Variants in LRP1B observed in about 807,000 individuals in gnomAD.
LRP1B encodes LDL receptor related protein 1B, also known as low-density lipoprotein receptor-related protein 1B.
In LRP1B, 217 loss-of-function variants were observed where a neutral mutation model predicts 556.6. The ratio of observed to expected loss-of-function variants is 0.39; its 90% CI spans 0.35 to 0.44. LRP1B has a LOEUF of 0.44. Among genes scored for constraint, LRP1B ranks in the 20% least tolerant of loss-of-function variants. The pLI, the probability that LRP1B is intolerant of heterozygous loss-of-function variation, is 1.00. For missense variants in LRP1B, 5,053 were observed against 5,620.8 expected (o/e 0.90, Z 3.23); for synonymous variants, 2,047 against 1,865.8 (o/e 1.10, Z -2.50).
chr2:141,249,275 G>A lies in LRP1B; in HGVS notation c.464-1921C>T, dbSNP rs577744021. 1.9e-3 allele frequency among the ~76,000 whole-genome samples: 290 copies of A among 152,218 alleles called. 2 individuals carry two copies. The highest frequency in any genetic ancestry group is 2.9e-3 in the Non-Finnish European group (198 of 67,992). The stretch of plus-strand genomic sequence containing the variant: ...ATTTAGCTAGTGCAAAATACTCTAG[G>A]ATACCAAAGTGGAAAGGGCAGTCAA... On this transcript the variant is annotated intron_variant, in intron 4 of 90. Transcript: ENST00000389484.
At chr2:141,885,094 A>G (rs1699068702) in intron 1 of LRP1B, among the ~76,000 whole-genome samples, 1 of 152,230 alleles carries the variant, frequency 6.6e-6, no homozygotes. Context: ...CATATTAAAT[A>G]TTTAAATTGT....
At chr2:142,115,227 A>G (rs1263487990) in intron 1 of LRP1B, among the ~76,000 whole-genome samples, 5 of 151,214 alleles carry the variant, frequency 3.3e-5, no homozygotes, top group African/African-American at 1.2e-4. Flanking sequence ...GAAGTGATTG[A>G]TTCCAGGCTG....
intron 1 of LRP1B, among the ~76,000 whole-genome samples, chr2:142,049,801 T>C (rs1050172721): frequency 1.3e-5 from 2 of 152,146 alleles, no homozygotes; most frequent in African/African-American, 4.8e-5. Context: ...CCATTCTATC[T>C]TCCATCAGGT....
intron 9 of LRP1B, 98 bp from the exon 10 acceptor site, chr2:141,055,357 G>A (rs2105456666): frequency 1.5e-6 from 2 of 1,298,116 alleles, no homozygotes; most frequent in Middle Eastern, 2.0e-4. Flanking sequence ...TAAAAACAGG[G>A]AATCTTAGCA....
chr2:141,249,156 T>G (rs1684172503), intron 4 of LRP1B, among the ~76,000 whole-genome samples: 1 of 152,186 alleles, frequency 6.6e-6, no homozygotes. Context: ...GGGTGAGATC[T>G]GTTCTAGAGT....
chr2:140,506,666 T>G (rs1236514904), intron 53 of LRP1B, 130 bp downstream of exon 53: 14 of 844,962 alleles, frequency 1.7e-5, no homozygotes, highest in Non-Finnish European at 2.6e-5. Context: ...TGATTGTGTA[T>G]TACTGAATTC....
chr2:141,590,456 C>T (rs1041568493), intron 2 of LRP1B, among the ~76,000 whole-genome samples: 6 of 152,046 alleles, frequency 3.9e-5, no homozygotes, highest in Admixed American at 6.6e-5. Context: ...TGCAGAGAGA[C>T]GGAAGACAAG....
chr2:141,022,826 G>C (rs1226486109), intron 11 of LRP1B, among the ~76,000 whole-genome samples: 2 of 151,898 alleles, frequency 1.3e-5, no homozygotes, highest in African/African-American at 4.8e-5. Context: ...CTTTGGGATA[G>C]AGTTCAAGTA....
intron 3 of LRP1B, among the ~76,000 whole-genome samples, chr2:141,392,896 CAG>C (rs1690107297): frequency 6.6e-6 from 1 of 152,198 alleles, no homozygotes; most frequent in South Asian, 2.1e-4. Flanking sequence ...TCTCCACAAA[CAG>C]ATGAGCATCA....
chr2:141,068,488 T>C (rs2105478459), intron 7 of LRP1B, among the ~76,000 whole-genome samples: 1 of 151,496 alleles, frequency 6.6e-6, no homozygotes, highest in Middle Eastern at 3.4e-3. Flanking sequence ...CACCCTAATC[T>C]TATTATGCAA....
chr2:140,294,862 A>T (rs1683535469), intron 84 of LRP1B, among the ~76,000 whole-genome samples: 2 of 151,956 alleles, frequency 1.3e-5, no homozygotes, highest in African/African-American at 4.8e-5. Flanking sequence ...ATGAGAAAGG[A>T]TAATTAGTGT....
intron 1 of LRP1B, among the ~76,000 whole-genome samples, chr2:141,886,943 G>A (rs1699134401): frequency 6.7e-6 from 1 of 148,798 alleles, no homozygotes; most frequent in African/African-American, 2.5e-5. Context: ...GTGTGTGAGG[G>A]GATGGTTGAT....
At chr2:141,970,227 G>A (rs980809778) in intron 1 of LRP1B, among the ~76,000 whole-genome samples, 1 of 151,488 alleles carries the variant, frequency 6.6e-6, no homozygotes, top group African/African-American at 2.4e-5. Flanking sequence ...CTGTCTGTGG[G>A]TAGTTGCTTT....
intron 32 of LRP1B, among the ~76,000 whole-genome samples, chr2:140,792,962 T>C (rs1690174756): frequency 6.6e-6 from 1 of 151,990 alleles, no homozygotes; most frequent in Non-Finnish European, 1.5e-5. Flanking sequence ...AATAAATGTG[T>C]ACATATAGGT....
intron 3 of LRP1B, among the ~76,000 whole-genome samples, chr2:141,257,119 T>C (rs113383709): frequency 0.023 from 3,498 of 152,072 alleles, 68 homozygotes; most frequent in Non-Finnish European, 0.036. Context: ...GAAATAAACA[T>C]GGATGAAGCC....
At chr2:140,757,352 T>G (rs1037290308) in intron 35 of LRP1B, among the ~76,000 whole-genome samples, 1 of 152,204 alleles carries the variant, frequency 6.6e-6, no homozygotes, top group Admixed American at 6.5e-5. Context: ...TCAATGATCC[T>G]AGCAGCTTTA....
At chr2:141,224,666 A>G (rs1314695899) in intron 6 of LRP1B, among the ~76,000 whole-genome samples, 1 of 152,174 alleles carries the variant, frequency 6.6e-6, no homozygotes, top group African/African-American at 2.4e-5. Context: ...TTTTCTTTGC[A>G]GGGACATGGA....
At chr2:141,749,963 A>T (rs1363744920) in intron 2 of LRP1B, among the ~76,000 whole-genome samples, 1 of 152,162 alleles carries the variant, frequency 6.6e-6, no homozygotes, top group Non-Finnish European at 1.5e-5. Flanking sequence ...TCCCTGCAAC[A>T]GCAGGATCTT....
At chr2:141,042,091 G>C (rs754146247) in intron 11 of LRP1B, among the ~76,000 whole-genome samples, 1 of 152,028 alleles carries the variant, frequency 6.6e-6, no homozygotes, top group East Asian at 1.9e-4. Context: ...AATGTTCCAA[G>C]GTTCTCTCAC....
Sources: allele counts gnomAD v4.1 joint callset (sites outside exome capture counted in the v4.1 genomes callset), GRCh38; gene constraint gnomAD v4.1.1; transcripts MANE v1.5; gene names NCBI Gene and HGNC (gene_info 2026-07-23, HGNC 2026-07-21).